APOLD1: variants seen among roughly 807,000 people sequenced by gnomAD.
APOLD1 encodes the protein apolipoprotein L domain-containing protein 1.
APOLD1 carries 22 observed loss-of-function variants against 15.3 expected under a neutral mutation model. The observed-to-expected ratio is 1.44, with a 90% CI of 1.03 to 2.05. APOLD1 has a LOEUF of 2.05. APOLD1 is among the 30% of genes most tolerant of loss of function. The pLI, the probability that APOLD1 is intolerant of heterozygous loss-of-function variation, is 0.00. For missense variants in APOLD1, 394 were observed against 353.5 expected (o/e 1.11, Z -0.92); for synonymous variants, 190 against 167.4 (o/e 1.13, Z -1.04).
chr12:12,778,580 G>A (rs1947055975), intron 1 of APOLD1, among the ~76,000 whole-genome samples: 2 of 151,214 alleles, frequency 1.3e-5, no homozygotes, highest in Admixed American at 6.6e-5. Flanking sequence ...CTCCTGCCTC[G>A]GCCCCCCAAA....
chr12:12,741,536 G>A (rs1007443881), intron 1 of APOLD1, among the ~76,000 whole-genome samples: 7 of 152,142 alleles, frequency 4.6e-5, no homozygotes, highest in Admixed American at 3.9e-4. Context: ...TTATTGCAAC[G>A]TGGATTGTCT....
At chr12:12,786,461 C>T (rs181921831) in intron 1 of APOLD1, among the ~76,000 whole-genome samples, 1 of 152,114 alleles carries the variant, frequency 6.6e-6, no homozygotes, top group Admixed American at 6.5e-5. Context: ...AAGTGTGTTG[C>T]AAAACTCCTA....
upstream of APOLD1, among the ~76,000 whole-genome samples, chr12:12,784,976 G>A (rs1316860221): frequency 2.0e-5 from 3 of 152,222 alleles, no homozygotes; most frequent in Admixed American, 2.0e-4. Context: ...GTGGTTGAAA[G>A]TGTACAATTA....
At chr12:12,781,740 A>G (rs12321333), upstream of APOLD1, among the ~76,000 whole-genome samples, 40,466 of 150,482 alleles carry the variant, frequency 0.27, 5,491 homozygotes, top group South Asian at 0.38. Flanking sequence ...TGTTAGCCAG[A>G]ATGGTCTCGA....
intron 1 of APOLD1, among the ~76,000 whole-genome samples, chr12:12,737,002 G>A (rs1946692003): frequency 6.6e-6 from 1 of 152,176 alleles, no homozygotes; most frequent in Admixed American, 6.5e-5. Context: ...TCTGGCCCAT[G>A]TTTTGCTCTT....
intron 1 of APOLD1, among the ~76,000 whole-genome samples, chr12:12,733,845 C>A (rs1946662223): frequency 6.6e-6 from 1 of 152,230 alleles, no homozygotes; most frequent in Admixed American, 6.5e-5. Context: ...CTCAGGTGAT[C>A]TGCCCTCCTC....
At chr12:12,777,233 C>T (rs774382047) in intron 1 of APOLD1, among the ~76,000 whole-genome samples, 1 of 152,142 alleles carries the variant, frequency 6.6e-6, no homozygotes, top group African/African-American at 2.4e-5. Flanking sequence ...TTCTCCCTGC[C>T]CAGTGCAGAC....
rs11832330 is a variant in APOLD1, at chr12:12,729,421, G to A, written c.96+3325G>A. ...ACAATAAACATAGAATTCATAAGAT[G>A]TAATTTTTTTTTCTTTTTGGTAGAG... On this transcript the variant is annotated intron_variant, in intron 1 of 1. Coordinates refer to the APOLD1 transcript ENST00000326765. 5.1e-3 allele frequency among the ~76,000 whole-genome samples: 773 copies of A among 152,188 alleles called. 9 individuals are homozygous for A. The highest frequency in any genetic ancestry group is 0.018 in the African/African-American group (733 of 41,522).
intron 1 of APOLD1, among the ~76,000 whole-genome samples, chr12:12,730,308 A>G (rs780100530): frequency 6.6e-6 from 1 of 152,138 alleles, no homozygotes; most frequent in African/African-American, 2.4e-5. Context: ...TAGTGGTTCA[A>G]TTTCAGGCTC....
Position 12,788,595 on chromosome 12 carries a change from C to T in APOLD1, c.*943C>T, listed in dbSNP as rs149405965. Reference sequence around the variant, plus strand: ...TGGTGCTGGCTCATATAGTGTAGTCCCTGGAATGGCAAATTAACATCACCC... The same window carrying T: ...TGGTGCTGGCTCATATAGTGTAGTCTCTGGAATGGCAAATTAACATCACCC... On this transcript the variant is annotated 3_prime_UTR_variant, in exon 2 of 2. Coordinates refer to ENST00000356591, the MANE Select transcript of APOLD1 (RefSeq NM_030817.3). 1 of 152,224 alleles carries T rather than the reference C, an allele frequency of 6.6e-6. No homozygotes were observed. The highest frequency in any genetic ancestry group is 1.9e-4 in the East Asian group (1 of 5,184). The allele number at this position is 152,224 out of a possible 1,614,324, so 9.4% of individuals were successfully genotyped here. A position where few individuals can be genotyped will look rare whatever the true frequency, so the allele number is the denominator to read the frequency against.
chr12:12,755,738 G>A (rs1946852820), intron 1 of APOLD1, among the ~76,000 whole-genome samples: 2 of 152,244 alleles, frequency 1.3e-5, no homozygotes, highest in Admixed American at 1.3e-4. Flanking sequence ...CTACTCCAGA[G>A]GCTGAGATGG....
At chr12:12,741,871 G>A (rs1320186101) in intron 1 of APOLD1, among the ~76,000 whole-genome samples, 1 of 152,154 alleles carries the variant, frequency 6.6e-6, no homozygotes, top group South Asian at 2.1e-4. Flanking sequence ...ATCACACAAG[G>A]CAGCTGAGTC....
intron 1 of APOLD1, among the ~76,000 whole-genome samples, chr12:12,733,265 C>T (rs911346263): frequency 1.3e-5 from 2 of 151,264 alleles, no homozygotes; most frequent in African/African-American, 4.9e-5. Context: ...GTCTAGACTG[C>T]AGTGAGCTGT....
At chr12:12,729,944 C>T (rs1592286792) in intron 1 of APOLD1, among the ~76,000 whole-genome samples, 1 of 151,698 alleles carries the variant, frequency 6.6e-6, no homozygotes, top group East Asian at 1.9e-4. Context: ...GCAGCCTCGA[C>T]CTCCTGGGCT....
intron 1 of APOLD1, among the ~76,000 whole-genome samples, chr12:12,774,546 C>CAAAAAAAAAAAAAAAAAAAAAAAAA (rs57343706): frequency 1.9e-4 from 8 of 42,288 alleles, no homozygotes; most frequent in Non-Finnish European, 2.7e-4. Flanking sequence ...ACTCTAACTC[C>CAAAAAAAAAAAAAAAAAAAAAAAAA]AAAAAAAAAA....
At chr12:12,730,508 C>T (rs1466456642) in intron 1 of APOLD1, among the ~76,000 whole-genome samples, 1 of 151,370 alleles carries the variant, frequency 6.6e-6, no homozygotes, top group Non-Finnish European at 1.5e-5. Context: ...TGGTGAAACC[C>T]CATCTCTACT....
intron 1 of APOLD1, among the ~76,000 whole-genome samples, chr12:12,742,225 A>T (rs1592291834): frequency 6.6e-6 from 1 of 152,196 alleles, no homozygotes; most frequent in Admixed American, 6.5e-5. Flanking sequence ...TTGGCAAAAA[A>T]AAAGGAACAA....
chr12:12,732,746 G>T (rs1182598239), intron 1 of APOLD1, among the ~76,000 whole-genome samples: 1 of 140,564 alleles, frequency 7.1e-6, no homozygotes, highest in Non-Finnish European at 1.6e-5. Context: ...AAAAAAAAAA[G>T]AAAAGAAAAA....
chr12:12,778,227 G>T (rs757939124), intron 1 of APOLD1, among the ~76,000 whole-genome samples: 5 of 151,850 alleles, frequency 3.3e-5, no homozygotes, highest in South Asian at 2.1e-4. Flanking sequence ...ACTGTACTTG[G>T]CCAGGAAAGC....
Sources: gnomAD v4.1 joint callset for allele counts (sites outside exome capture counted in the v4.1 genomes callset) on GRCh38, gnomAD v4.1.1 for gene constraint, MANE v1.5 for transcripts, NCBI Gene and HGNC (gene_info 2026-07-23, HGNC 2026-07-21) for gene names.